The following LITAF variants were observed in gnomAD, a reference collection of about 807,000 sequenced individuals.
LITAF encodes the protein lipopolysaccharide induced TNF factor.
In LITAF, 9 loss-of-function variants were observed where a neutral mutation model predicts 14.5. That is an observed-to-expected ratio of 0.62 (90% confidence interval 0.37 to 1.08). LITAF has a LOEUF of 1.08. LITAF is among the 50% of genes least tolerant of loss of function. The pLI is 0.01. For synonymous variants in LITAF, 98 were observed against 88.2 expected, an observed-to-expected ratio of 1.11 and a Z score of -0.62; for missense variants, 206 against 213.4, an observed-to-expected ratio of 0.97 and a Z score of 0.22.
chr16:11,570,910 C>T (rs371925521), intron 1 of LITAF, among the ~76,000 whole-genome samples: 1 of 151,830 alleles, frequency 6.6e-6, no homozygotes, highest in East Asian at 1.9e-4. Flanking sequence ...AGAGCAAGAC[C>T]TCTGTTGGGT....
chr16:11,625,658 T>G (rs1337304253), intron 3 of LITAF, among the ~76,000 whole-genome samples: 3 of 152,142 alleles, frequency 2.0e-5, no homozygotes, highest in Non-Finnish European at 4.4e-5. Flanking sequence ...TGAGTTCCCC[T>G]AGGTTGTGTG....
At position 11,628,921 on chromosome 16, in the gene LITAF, C is replaced by A. The variant is rs529203495; in HGVS notation, c.85+4612G>T. On this transcript the variant is annotated intron_variant, in intron 3 of 3. Transcript: ENST00000574848. ...GAACTCCTGACCTCAAGTGATCTGC[C>A]CGCCTTGGCCTCCCAAAGTGCTGGG... 2.4e-4 allele frequency among the ~76,000 whole-genome samples: 36 copies of A among 152,352 alleles called. 2 individuals carry two copies. In the South Asian group the frequency reaches 5.8e-3, roughly 25 times the overall value.
intron 1 of LITAF, among the ~76,000 whole-genome samples, chr16:11,557,272 G>A (rs532152565): frequency 1.1e-4 from 17 of 151,588 alleles, no homozygotes; most frequent in East Asian, 1.9e-4. Flanking sequence ...TCCATGGAGC[G>A]GTTACTCTTG....
At chr16:11,554,932 G>T (rs550917513) in intron 2 of LITAF, among the ~76,000 whole-genome samples, 1 of 152,194 alleles carries the variant, frequency 6.6e-6, no homozygotes, top group Admixed American at 6.5e-5. Flanking sequence ...AAATGAATTA[G>T]GGGGAAATTA....
At chr16:11,608,831 C>T (rs934448047) in intron 3 of LITAF, among the ~76,000 whole-genome samples, 2 of 152,064 alleles carry the variant, frequency 1.3e-5, no homozygotes, top group African/African-American at 4.8e-5. Flanking sequence ...GGCATGGTGC[C>T]GCATGTCTCT....
chr16:11,554,541 C>T (rs186517555), intron 2 of LITAF, among the ~76,000 whole-genome samples: 2 of 152,178 alleles, frequency 1.3e-5, no homozygotes, highest in Admixed American at 6.5e-5. Context: ...CCAGCAAATC[C>T]CTTGGCTTTG....
At chr16:11,603,911 G>A (rs1034219188) in intron 3 of LITAF, among the ~76,000 whole-genome samples, 1 of 152,110 alleles carries the variant, frequency 6.6e-6, no homozygotes, top group Non-Finnish European at 1.5e-5. Context: ...CCCAGGCGTG[G>A]TGGCGGGCGC....
At chr16:11,574,267 C>G (rs1397353210) in intron 1 of LITAF, among the ~76,000 whole-genome samples, 2 of 152,144 alleles carry the variant, frequency 1.3e-5, no homozygotes, top group Admixed American at 6.5e-5. Flanking sequence ...GTCTCAAACT[C>G]CTGGGCTAAA....
At chr16:11,636,122 C>G (rs1597379164) in intron 1 of LITAF, 1 of 152,326 alleles carries the variant, frequency 6.6e-6, no homozygotes, top group African/African-American at 2.4e-5. Context: ...GGAGAAATTT[C>G]CCTCCTTAGA....
chr16:11,548,982 T>C lies in LITAF; in HGVS notation c.*655A>G. 1 of 454,054 alleles carries C rather than the reference T, an allele frequency of 2.2e-6. No individual in the cohort carries two copies. Among genetic ancestry groups the C allele is most frequent in the South Asian group, 1.6e-5 (1 of 64,474 alleles). The allele number at this position is 454,054 out of a possible 1,614,324, so 28.1% of individuals were successfully genotyped here. On this transcript the variant is annotated 3_prime_UTR_variant, in exon 4 of 4. Coordinates refer to ENST00000622633, the MANE Select transcript of LITAF (RefSeq NM_001136472.2). ...ACAGGGCAGTGATAAGATCCAGCCCTATTTTTCTAGCATGCATTTACGACC... is the reference window on the plus strand; with the variant it reads ...ACAGGGCAGTGATAAGATCCAGCCCCATTTTTCTAGCATGCATTTACGACC...
chr16:11,626,869 T>C (rs2065087074), intron 3 of LITAF, among the ~76,000 whole-genome samples: 1 of 151,840 alleles, frequency 6.6e-6, no homozygotes, highest in South Asian at 2.1e-4. Context: ...TTTTTTGAAA[T>C]GGAGTCTCTG....
At chr16:11,557,850 G>C (rs1433519892) in intron 1 of LITAF, among the ~76,000 whole-genome samples, 1 of 152,162 alleles carries the variant, frequency 6.6e-6, no homozygotes, top group Non-Finnish European at 1.5e-5. Context: ...TCTTTTGTGA[G>C]GGCAAAGAAA....
Position 11,553,114 on chromosome 16 carries a change from C to CA in LITAF, c.377+418dup, listed in dbSNP as rs1036295019. Among the ~76,000 whole-genome samples, 41 of 151,552 alleles carry CA rather than the reference C, an allele frequency of 2.7e-4. No homozygotes were observed. The highest frequency in any genetic ancestry group is 1.1e-3 in the Admixed American group (17 of 15,186). ...TGGGCAACAGAGTGAGAATCCATCA[C>CA]AAAAAAAGAAAGAAATGCCTTAGGC... is the stretch of plus-strand genomic sequence containing the variant. On this transcript the variant is annotated intron_variant, in intron 3 of 3. Coordinates refer to ENST00000622633, the MANE Select transcript of LITAF (RefSeq NM_001136472.2). The surrounding 1 kb of genome is among the most constrained non-coding windows in gnomAD (Gnocchi z 7.7).
chr16:11,596,536 TGGG>T (rs2064888482), intron 1 of LITAF, among the ~76,000 whole-genome samples: 2 of 18,986 alleles, frequency 1.1e-4, no homozygotes, highest in Non-Finnish European at 9.0e-5. Flanking sequence ...GGGGGAGGAA[TGGG>T]AGGACAGAGA....
At position 11,549,054 on chromosome 16, in the gene LITAF, T is replaced by A. The variant is rs200004345; in HGVS notation, c.*583A>T. 6.8e-6 allele frequency: 3 copies of A among 442,676 alleles called. No individual in the cohort carries two copies. The highest frequency in any genetic ancestry group is 1.4e-5 in the Non-Finnish European group (3 of 221,818). 27.4% of individuals were successfully genotyped at this position (442,676 alleles called of 1,614,324 possible). ...GTGTTAATAGCCCCCTCCTTGTATT[T>A]AAAAAAAAAATTAAGAAATTAAAGT... On this transcript the variant is annotated 3_prime_UTR_variant, in exon 4 of 4. Transcript: ENST00000622633. This position sits in a 1 kb window ranked among gnomAD's most constrained non-coding sequence, Gnocchi z 4.6.
intron 1 of LITAF, among the ~76,000 whole-genome samples, chr16:11,595,166 T>C (rs965027506): frequency 1.3e-5 from 2 of 152,172 alleles, no homozygotes; most frequent in African/African-American, 4.8e-5. Flanking sequence ...TTCTAAAACA[T>C]GTTTCCCACA....
intron 3 of LITAF, among the ~76,000 whole-genome samples, chr16:11,617,331 G>C (rs1456132903): frequency 6.6e-6 from 1 of 152,014 alleles, no homozygotes; most frequent in Non-Finnish European, 1.5e-5. Context: ...ATGTCCCCCA[G>C]GGTAAGGCTG....
chr16:11,553,691 T>C lies in LITAF; in HGVS notation c.221-2A>G, dbSNP rs1029053238. 1.2e-6 allele frequency: 2 copies of C among 1,613,932 alleles called. No homozygotes were observed. Among genetic ancestry groups the C allele is most frequent in the Non-Finnish European group, 1.7e-6 (2 of 1,179,984 alleles). ...GCACGTAGACCGTCTGCACGGTAAC[T>C]GATGAAAGGGAGAGGGACAAACACA... On this transcript the variant is annotated splice_acceptor_variant, in intron 2 of 3. Coordinates refer to ENST00000622633, the MANE Select transcript of LITAF (RefSeq NM_001136472.2). LOFTEE classifies it high-confidence loss of function. This position sits in a 1 kb window ranked among gnomAD's most constrained non-coding sequence, Gnocchi z 7.7.
upstream of LITAF, among the ~76,000 whole-genome samples, chr16:11,638,644 T>A (rs910989104): frequency 1.5e-5 from 2 of 135,340 alleles, no homozygotes; most frequent in African/African-American, 5.4e-5. Context: ...GAGGTTGCAG[T>A]GAGCTGAGAT....
Sources: allele counts gnomAD v4.1 joint callset (sites outside exome capture counted in the v4.1 genomes callset), GRCh38; gene constraint gnomAD v4.1.1; non-coding constraint Gnocchi (gnomAD v3.1); transcripts MANE v1.5; gene names NCBI Gene and HGNC (gene_info 2026-07-23, HGNC 2026-07-21).